Variants in ARHGAP39 observed in about 807,000 individuals in gnomAD.
ARHGAP39 encodes Rho GTPase activating protein 39.
Under a neutral mutation model 106.9 loss-of-function variants are expected in ARHGAP39, and 44 were observed. The ratio of observed to expected loss-of-function variants is 0.41; its 90% confidence interval spans 0.32 to 0.53. The LOEUF is 0.53. Among genes scored for constraint, ARHGAP39 ranks in the 20% least tolerant of loss-of-function variants. ARHGAP39 has a pLI of 0.21. For missense variants in ARHGAP39, 1,496 were observed against 1,577.3 expected, an observed-to-expected ratio of 0.95 and a Z score of 0.87; for synonymous variants, 768 against 693.2, an observed-to-expected ratio of 1.11 and a Z score of -1.69.
intron 3 of ARHGAP39, among the ~76,000 whole-genome samples, chr8:144,560,241 C>G (rs980168371): frequency 6.6e-6 from 1 of 152,222 alleles, no homozygotes; most frequent in African/African-American, 2.4e-5. Context: ...TGAGACCAGC[C>G]TGGCCAACAT....
the ARHGAP39 span, among the ~76,000 whole-genome samples, chr8:144,694,447 G>A: frequency 2.6e-5 from 4 of 152,220 alleles, no homozygotes; most frequent in Admixed American, 2.0e-4. Context: ...TCAGCCCAAG[G>A]ACAGGTGCAT....
At position 144,547,852 on chromosome 8, in the gene ARHGAP39, C is replaced by A. The variant is rs61735921; in HGVS notation, c.1234G>T (p.Ala412Ser). Residue 412 changes from alanine to serine, a missense_variant, in exon 5 of 12, where the codon GCC becomes TCC. Ala to Ser is a moderately conservative substitution (Grantham distance 99). Coordinates refer to ENST00000377307, the MANE Select transcript of ARHGAP39 (RefSeq NM_025251.3). The surrounding 1 kb of genome is among the most constrained non-coding windows in gnomAD (Gnocchi z 5.2). ...GGCGCGTACTTGTGCCGCGGGCCGG[C>A]GCGCAGCTTGGGGCTGGAGCCCGCC... ...EQAGSSPKLR[A>S]GPRHKYAPNP... 3 of 1,586,670 alleles carry A rather than the reference C, an allele frequency of 1.9e-6. No homozygotes were observed. Among genetic ancestry groups the A allele is most frequent in the Non-Finnish European group, 2.6e-6 (3 of 1,167,168 alleles).
At chr8:144,621,508 G>C (rs1820806594) in intron 1 of ARHGAP39, among the ~76,000 whole-genome samples, 1 of 152,222 alleles carries the variant, frequency 6.6e-6, no homozygotes, top group African/African-American at 2.4e-5. Context: ...CTGGGGGGCA[G>C]GGCCTGGCAG....
the ARHGAP39 span, among the ~76,000 whole-genome samples, chr8:144,694,159 T>A: frequency 6.6e-6 from 1 of 152,080 alleles, no homozygotes; most frequent in Admixed American, 6.6e-5. Context: ...TGATGGGACT[T>A]GTGTTTTAAA....
chr8:144,583,433 GCA>G (rs1264211108), intron 2 of ARHGAP39, among the ~76,000 whole-genome samples: 1 of 152,190 alleles, frequency 6.6e-6, no homozygotes. Context: ...GCACGTGGAG[GCA>G]CAGACGGGGT....
chr8:144,680,297 C>G (rs1822371302), intron 1 of ARHGAP39, among the ~76,000 whole-genome samples: 1 of 152,164 alleles, frequency 6.6e-6, no homozygotes, highest in Non-Finnish European at 1.5e-5. Context: ...TGTAAATGGC[C>G]CAGATAACAA....
In ARHGAP39 at chr8:144,645,879, G is replaced by A. The variant is rs1247794744; in HGVS notation, c.-82+39807C>T. The stretch of plus-strand genomic sequence containing the variant: ...GACAGAGACACCTGCAGATGCTCCC[G>A]GATGGAGCTGGCCTTGCCTGGGTGC... On this transcript the variant is annotated intron_variant, in intron 1 of 11. Coordinates refer to ENST00000377307, the MANE Select transcript of ARHGAP39 (RefSeq NM_025251.3). The surrounding 1 kb of genome is among the most constrained non-coding windows in gnomAD (Gnocchi z 4.4). Among the ~76,000 whole-genome samples, 1 of 152,214 alleles carries A rather than the reference G, an allele frequency of 6.6e-6. No homozygotes were observed. The highest frequency in any genetic ancestry group is 1.5e-5 in the Non-Finnish European group (1 of 68,030).
At chr8:144,674,716 G>A (rs532515687) in intron 1 of ARHGAP39, among the ~76,000 whole-genome samples, 4 of 152,188 alleles carry the variant, frequency 2.6e-5, no homozygotes, top group African/African-American at 9.7e-5. Flanking sequence ...GGCTCCTGCA[G>A]GCCTGCACCA....
chr8:144,600,699 C>T (rs1162951850), intron 2 of ARHGAP39, among the ~76,000 whole-genome samples: 3 of 138,658 alleles, frequency 2.2e-5, no homozygotes, highest in South Asian at 2.4e-4. Context: ...TGCGTGGAGA[C>T]GTGCGTGTGC....
chr8:144,615,181 C>T lies in ARHGAP39; in HGVS notation c.-81-9486G>A, dbSNP rs994406351. 2.0e-4 allele frequency among the ~76,000 whole-genome samples: 31 copies of T among 152,176 alleles called. 1 individual carries two copies. Among genetic ancestry groups the T allele is most frequent in the Non-Finnish European group, 8.8e-5 (6 of 68,036 alleles). On this transcript the variant is annotated intron_variant, in intron 1 of 11. Coordinates refer to ENST00000377307, the MANE Select transcript of ARHGAP39 (RefSeq NM_025251.3). ...CCAAAAAATACAATGATTAGCTGGG[C>T]GTGGTGGCACACGCCTGTGGTCCCA... is the stretch of plus-strand genomic sequence containing the variant.
At chr8:144,606,901 T>C in intron 1 of ARHGAP39, among the ~76,000 whole-genome samples, 1 of 149,978 alleles carries the variant, frequency 6.7e-6, no homozygotes, top group East Asian at 2.0e-4. Context: ...ACAAATATCT[T>C]AATTGGACAC....
chr8:144,595,857 G>A (rs368378981), intron 2 of ARHGAP39, among the ~76,000 whole-genome samples: 6 of 152,136 alleles, frequency 3.9e-5, no homozygotes, highest in African/African-American at 1.4e-4. Flanking sequence ...TGTCCCTCCC[G>A]CCGCGCCGCC....
intron 1 of ARHGAP39, among the ~76,000 whole-genome samples, chr8:144,682,219 T>G: frequency 9.2e-6 from 1 of 108,520 alleles, no homozygotes; most frequent in East Asian, 2.7e-4. Flanking sequence ...CACTGCAGCC[T>G]GGGTGACAGA....
Position 144,533,214 on chromosome 8 carries a change from A to G in ARHGAP39, c.2800T>C (p.Tyr934His), listed in dbSNP as rs1321664646. 1.2e-6 allele frequency: 2 copies of G among 1,612,926 alleles called. No homozygotes were observed. The highest frequency in any genetic ancestry group is 2.2e-5 in the East Asian group (1 of 44,888). ...QEVMGMQRER[Y>H]PERQLPWVQT... ...ACCCAGGGCAGCTGGCGCTCGGGGTAGCGCTCTCTCTGCATGCCCATGACC... is the reference window on the plus strand; with the variant it reads ...ACCCAGGGCAGCTGGCGCTCGGGGTGGCGCTCTCTCTGCATGCCCATGACC... Residue 934 changes from tyrosine (Y) to histidine (H), a missense_variant, in exon 9 of 12, where the codon TAC becomes CAC. Coordinates refer to ENST00000377307, the MANE Select transcript of ARHGAP39 (RefSeq NM_025251.3).
intron 1 of ARHGAP39, among the ~76,000 whole-genome samples, chr8:144,669,589 C>T (rs943839376): frequency 6.7e-6 from 1 of 148,758 alleles, no homozygotes; most frequent in African/African-American, 2.5e-5. Context: ...AAATAACCCA[C>T]AGAATGGAAG....
At chr8:144,639,325 CAAAA>C (rs1320599462) in intron 1 of ARHGAP39, among the ~76,000 whole-genome samples, 2,617 of 64,868 alleles carry the variant, frequency 0.04, 81 homozygotes, top group African/African-American at 0.11. Flanking sequence ...GATGCTGTCT[CAAAA>C]AAAAAAAAAA....
intron 1 of ARHGAP39, among the ~76,000 whole-genome samples, chr8:144,614,846 T>C (rs1410450813): frequency 6.6e-6 from 1 of 152,182 alleles, no homozygotes; most frequent in East Asian, 1.9e-4. Flanking sequence ...GGCACTCTTC[T>C]TAGTGTTTTG....
At chr8:144,564,177 G>T (rs1298973608) in intron 3 of ARHGAP39, among the ~76,000 whole-genome samples, 1 of 152,210 alleles carries the variant, frequency 6.6e-6, no homozygotes, top group East Asian at 1.9e-4. Context: ...TGTGTAAAAA[G>T]ACATTTTTGC....
intron 1 of ARHGAP39, among the ~76,000 whole-genome samples, chr8:144,638,421 C>CAACG (rs1365920586): frequency 2.0e-5 from 3 of 152,218 alleles, no homozygotes; most frequent in African/African-American, 7.2e-5. Flanking sequence ...ATCCTTCAGC[C>CAACG]AACGGCTCTT....
Sources: allele counts gnomAD v4.1 joint callset (sites outside exome capture counted in the v4.1 genomes callset), GRCh38; gene constraint gnomAD v4.1.1; non-coding constraint Gnocchi (gnomAD v3.1); transcripts MANE v1.5; gene names NCBI Gene and HGNC (gene_info 2026-07-23, HGNC 2026-07-21).